The following PCDH9 variants were observed in gnomAD, a reference collection of about 807,000 sequenced individuals.
PCDH9 encodes the protein protocadherin 9.
A neutral mutation model predicts 70.6 loss-of-function variants in PCDH9; 24 were observed. The ratio of observed to expected loss-of-function variants is 0.34; its 90% CI spans 0.25 to 0.48. The LOEUF (loss-of-function observed/expected upper bound fraction) is 0.48. PCDH9 is among the 20% of genes least tolerant of loss of function. The pLI is 0.99. For synonymous variants in PCDH9, 562 were observed against 558.5 expected, an observed-to-expected ratio of 1.01 and a Z score of -0.09; for missense variants, 1,281 against 1,503.6, an observed-to-expected ratio of 0.85 and a Z score of 2.45.
intron 3 of PCDH9, among the ~76,000 whole-genome samples, chr13:66,668,897 G>T (rs1353876028): frequency 3.3e-5 from 5 of 152,018 alleles, no homozygotes; most frequent in African/African-American, 9.7e-5. Flanking sequence ...TAGTATTATG[G>T]TCTCAGGTTT....
chr13:66,420,360 C>T (rs1451547306), intron 4 of PCDH9, among the ~76,000 whole-genome samples: 1 of 152,178 alleles, frequency 6.6e-6, no homozygotes, highest in Non-Finnish European at 1.5e-5. Flanking sequence ...GTCGCTGACC[C>T]CTGTGCCTCA....
intron 4 of PCDH9, among the ~76,000 whole-genome samples, chr13:66,522,300 A>C (rs564781424): frequency 2.6e-5 from 4 of 152,146 alleles, no homozygotes; most frequent in Non-Finnish European, 5.9e-5. Context: ...AAGACAAAAA[A>C]AATTACATTG....
At chr13:67,214,338 AC>A (rs1455459640) in intron 2 of PCDH9, 1 of 152,226 alleles carries the variant, frequency 6.6e-6, no homozygotes, top group African/African-American at 2.4e-5. Flanking sequence ...CATTACTTCA[AC>A]AGGGATGCTT....
chr13:66,707,242 G>T (rs529190060), intron 3 of PCDH9, among the ~76,000 whole-genome samples: 1 of 152,260 alleles, frequency 6.6e-6, no homozygotes, highest in South Asian at 2.1e-4. Context: ...CATAGGTACA[G>T]TAATTTTAAT....
rs1414082774 is a variant in PCDH9 at position 66,920,706 on chromosome 13, G to A, written c.3037-17101C>T. 2.6e-5 allele frequency among the ~76,000 whole-genome samples: 4 copies of A among 151,090 alleles called. No homozygotes were observed. In the Admixed American group the frequency reaches 2.7e-4, roughly 10 times the overall value. Reference sequence around the variant, plus strand: ...GCAGTTTTCTGCATTTATGTAACATGGATATATTGAAAATTACATAGCATT... The same window carrying A: ...GCAGTTTTCTGCATTTATGTAACATAGATATATTGAAAATTACATAGCATT... On this transcript the variant is annotated intron_variant, in intron 2 of 4. Transcript: ENST00000377865.
At chr13:66,497,670 A>G (rs1015216005) in intron 4 of PCDH9, among the ~76,000 whole-genome samples, 2 of 152,166 alleles carry the variant, frequency 1.3e-5, no homozygotes, top group African/African-American at 4.8e-5. Context: ...CATTTTTGGC[A>G]TTACTTGGTA....
intron 4 of PCDH9, among the ~76,000 whole-genome samples, chr13:66,609,047 T>C (rs1010568693): frequency 3.3e-5 from 5 of 152,296 alleles, no homozygotes; most frequent in African/African-American, 4.8e-5. Context: ...AGGAATGCTG[T>C]TGAGTGCAAA....
At chr13:66,357,698 C>T (rs1259676097) in intron 4 of PCDH9, among the ~76,000 whole-genome samples, 7 of 152,060 alleles carry the variant, frequency 4.6e-5, no homozygotes, top group African/African-American at 1.2e-4. Context: ...AAGACCGTGA[C>T]GAATAACAAT....
At chr13:66,703,256 T>G (rs927859171) in intron 3 of PCDH9, among the ~76,000 whole-genome samples, 2 of 152,202 alleles carry the variant, frequency 1.3e-5, no homozygotes, top group African/African-American at 4.8e-5. Flanking sequence ...ACACCTACAC[T>G]TAAGCCAAAT....
At chr13:66,920,582 C>A (rs1166456925) in intron 2 of PCDH9, among the ~76,000 whole-genome samples, 1 of 151,062 alleles carries the variant, frequency 6.6e-6, no homozygotes, top group South Asian at 2.1e-4. Flanking sequence ...AAAATTAAAG[C>A]CTGTAACCAC....
chr13:66,895,375 A>G (rs575966908), intron 3 of PCDH9, among the ~76,000 whole-genome samples: 1 of 152,308 alleles, frequency 6.6e-6, no homozygotes, highest in South Asian at 2.1e-4. Context: ...AAAAAGGAAT[A>G]GTAACTTTAT....
chr13:67,178,244 T>C (rs1029218561), intron 2 of PCDH9, among the ~76,000 whole-genome samples: 1 of 152,044 alleles, frequency 6.6e-6, no homozygotes, highest in African/African-American at 2.4e-5. Flanking sequence ...ACTATGAAAG[T>C]TAAAGGTCAA....
In PCDH9 at chr13:67,070,289, A is replaced by C. The variant is rs575247282; in HGVS notation, c.3036+155116T>G. Among the ~76,000 whole-genome samples the C allele has an allele frequency of 2.0e-5, 3 of 152,180 alleles. No homozygotes were observed. The South Asian group carries it at 6.2e-4, about 32-fold the overall frequency. On this transcript the variant is annotated intron_variant, in intron 2 of 4. Coordinates refer to ENST00000377865, the MANE Select transcript of PCDH9 (RefSeq NM_203487.3). ...CTCCACCTGATGTTAATTGTTGTGG[A>C]GCATAACTACTGTAAAGAAAAAGAG...
At chr13:66,451,326 A>C (rs1958204693) in intron 4 of PCDH9, among the ~76,000 whole-genome samples, 1 of 152,200 alleles carries the variant, frequency 6.6e-6, no homozygotes, top group Non-Finnish European at 1.5e-5. Flanking sequence ...ACCTCTACAG[A>C]ATGTGTTTTG....
chr13:66,363,006 C>A (rs543051574), intron 4 of PCDH9, among the ~76,000 whole-genome samples: 2 of 152,052 alleles, frequency 1.3e-5, no homozygotes, highest in African/African-American at 2.4e-5. Context: ...CATGGAGAAA[C>A]CTTGTCTCTA....
At chr13:66,845,491 A>G (rs953786923) in intron 3 of PCDH9, among the ~76,000 whole-genome samples, 1 of 152,178 alleles carries the variant, frequency 6.6e-6, no homozygotes, top group African/African-American at 2.4e-5. Context: ...TGGGTCCCCA[A>G]GAGTGAAGAG....
intron 4 of PCDH9, among the ~76,000 whole-genome samples, chr13:66,530,490 C>CT (rs1465571819): frequency 6.6e-6 from 1 of 151,496 alleles, no homozygotes; most frequent in Non-Finnish European, 1.5e-5. Flanking sequence ...TTTATGGTAT[C>CT]TTTTTTTATT....
chr13:66,700,932 ATAT>A (rs2078634263), intron 3 of PCDH9, among the ~76,000 whole-genome samples: 1 of 72,100 alleles, frequency 1.4e-5, no homozygotes, highest in Non-Finnish European at 2.7e-5. Flanking sequence ...AAATATATAT[ATAT>A]ATATATATAT....
chr13:66,743,801 T>G (rs1252764478), intron 3 of PCDH9, among the ~76,000 whole-genome samples: 5 of 152,044 alleles, frequency 3.3e-5, no homozygotes, highest in African/African-American at 1.2e-4. Context: ...GTTAAAAAAT[T>G]GAAAATAATT....
Sources: gnomAD v4.1 joint callset for allele counts (sites outside exome capture counted in the v4.1 genomes callset) on GRCh38, gnomAD v4.1.1 for gene constraint, MANE v1.5 for transcripts, NCBI Gene and HGNC (gene_info 2026-07-23, HGNC 2026-07-21) for gene names.